LRRFIP1: variants seen among roughly 807,000 people sequenced by gnomAD.
LRRFIP1 encodes the protein leucine-rich repeat flightless-interacting protein 1.
A neutral mutation model predicts 104.4 loss-of-function variants in LRRFIP1; 62 were observed. The ratio of observed to expected loss-of-function variants is 0.59; its 90% CI spans 0.48 to 0.73. The LOEUF is 0.73. Among genes scored for constraint, LRRFIP1 ranks in the 30% least tolerant of loss-of-function variants. The probability of loss-of-function intolerance (pLI) is 0.00; values close to 1 mark genes in which losing one functional copy is unlikely to be tolerated. For synonymous variants in LRRFIP1, 300 were observed against 299.0 expected (o/e 1.00, Z -0.03); for missense variants, 796 against 824.5 (o/e 0.97, Z 0.42).
At chr2:237,755,524 A>G (rs1455164806) in intron 15 of LRRFIP1, among the ~76,000 whole-genome samples, 1 of 152,182 alleles carries the variant, frequency 6.6e-6, no homozygotes, top group African/African-American at 2.4e-5. Context: ...CTCTTGCTTC[A>G]CTGTAGATAA....
chr2:237,645,709 ACTCT>A (rs1468719516), intron 1 of LRRFIP1, among the ~76,000 whole-genome samples: 2 of 151,710 alleles, frequency 1.3e-5, no homozygotes, highest in African/African-American at 4.8e-5. Context: ...ACTCAATGTC[ACTCT>A]TCATGATGTA....
At chr2:237,697,265 C>T (rs1451803927) in intron 1 of LRRFIP1, among the ~76,000 whole-genome samples, 2 of 152,118 alleles carry the variant, frequency 1.3e-5, no homozygotes, top group African/African-American at 4.8e-5. Flanking sequence ...TCAAGTGATC[C>T]TCCCATCTCG....
Position 237,757,528 on chromosome 2 carries a change from T to C in LRRFIP1, c.1204T>C (p.Trp402Arg). 1.3e-6 allele frequency: 2 copies of C among 1,584,966 alleles called. No homozygotes were observed. The highest frequency in any genetic ancestry group is 1.7e-6 in the Non-Finnish European group (2 of 1,165,044). Residue 402 changes from tryptophan (W) to arginine (R), a missense_variant, in exon 17 of 24, where the codon TGG (tryptophan) becomes CGG (arginine). Transcript: ENST00000308482. ...EISDLQETIE[W>R]KDKKIGALER... ...TTCTGATCTTCAGGAAACAATAGAG[T>C]GGAAAGACAAAAAGATAGGGGTAGG...
intron 9 of LRRFIP1, among the ~76,000 whole-genome samples, chr2:237,734,862 G>T (rs2150372226): frequency 6.6e-6 from 1 of 152,282 alleles, no homozygotes; most frequent in African/African-American, 2.4e-5. Flanking sequence ...AACATAATTT[G>T]ATATTTTATC....
chr2:237,767,340 C>T (rs1395217214), intron 19 of LRRFIP1, among the ~76,000 whole-genome samples: 1 of 152,172 alleles, frequency 6.6e-6, no homozygotes, highest in African/African-American at 2.4e-5. Context: ...CGAACCTAGA[C>T]CACTGGGGTT....
chr2:237,743,886 A>G (rs371180194), intron 11 of LRRFIP1, among the ~76,000 whole-genome samples: 3 of 152,154 alleles, frequency 2.0e-5, no homozygotes, highest in South Asian at 2.1e-4. Context: ...CCAGGCCCCA[A>G]AATCTCACTG....
intron 21 of LRRFIP1, chr2:237,772,461 G>T (rs116383005): frequency 0.012 from 5,584 of 466,384 alleles, 55 homozygotes; most frequent in Middle Eastern, 0.025. Flanking sequence ...CATTTACTTT[G>T]CTGGATACAG....
chr2:237,656,671 C>G (rs1339108380), intron 1 of LRRFIP1, among the ~76,000 whole-genome samples: 1 of 152,178 alleles, frequency 6.6e-6, no homozygotes, highest in East Asian at 1.9e-4. Flanking sequence ...TACACATTAA[C>G]TACCACAATA....
chr2:237,761,296 C>G (rs1172687100), intron 19 of LRRFIP1, among the ~76,000 whole-genome samples: 1 of 152,190 alleles, frequency 6.6e-6, no homozygotes, highest in African/African-American at 2.4e-5. Flanking sequence ...GTGGCCAAGG[C>G]TGGAGGATCA....
Position 237,781,366 on chromosome 2 carries a change from A to G in LRRFIP1, c.*1834A>G, listed in dbSNP as rs908176599. On this transcript the variant is annotated 3_prime_UTR_variant, in exon 24 of 24. Coordinates refer to ENST00000308482, the MANE Select transcript of LRRFIP1 (RefSeq NM_001137550.2). ...GATGCTGTTATCAAATCCACATTAC[A>G]GATGAGGGACCCAGGGTCCAGGAAG... Among the ~76,000 whole-genome samples the G allele has an allele frequency of 1.3e-5, 2 of 152,208 alleles. No homozygotes were observed. The highest frequency in any genetic ancestry group is 4.8e-5 in the African/African-American group (2 of 41,460).
At chr2:237,684,353 G>A (rs6431556) in intron 1 of LRRFIP1, 106,777 of 151,956 alleles carry the variant, frequency 0.7, 38,441 homozygotes, top group Middle Eastern at 0.84. Flanking sequence ...GCACACACCT[G>A]TAGTCCCAGC....
intron 1 of LRRFIP1, among the ~76,000 whole-genome samples, chr2:237,702,533 C>T (rs748446578): frequency 9.2e-5 from 14 of 152,174 alleles, no homozygotes; most frequent in Non-Finnish European, 1.8e-4. Context: ...ATCCTAACCC[C>T]GCGGGCAGCA....
chr2:237,718,555 T>G (rs554658677), intron 4 of LRRFIP1, among the ~76,000 whole-genome samples: 3 of 152,192 alleles, frequency 2.0e-5, no homozygotes, highest in African/African-American at 7.2e-5. Context: ...CGAGAGAGAG[T>G]GGCCTGGCCC....
intron 1 of LRRFIP1, 22 bp downstream of exon 1, chr2:237,627,762 C>T (rs2081755875): frequency 3.3e-6 from 4 of 1,208,996 alleles, no homozygotes; most frequent in Non-Finnish European, 3.1e-6. Flanking sequence ...GGGAGGGCAG[C>T]CGGGGGGCGC....
chr2:237,647,791 G>GGTTTTGC (rs1350053089), intron 1 of LRRFIP1, among the ~76,000 whole-genome samples: 1 of 146,864 alleles, frequency 6.8e-6, no homozygotes, highest in Non-Finnish European at 1.5e-5. Flanking sequence ...CTGCAGGCAG[G>GGTTTTGC]TGGAGGGAGC....
rs540038003 is a variant in LRRFIP1, at chr2:237,772,455, T to G, written c.1627+257T>G. On this transcript the variant is annotated intron_variant, in intron 21 of 23. Transcript: ENST00000308482. ...ATGTTGTGCCGATGGAAACCACATTTACTTTGCTGGATACAGCAATCTTTC... is the reference window on the plus strand; with the variant it reads ...ATGTTGTGCCGATGGAAACCACATTGACTTTGCTGGATACAGCAATCTTTC... 1.2e-5 allele frequency: 6 copies of G among 481,018 alleles called. No homozygotes were observed. In the South Asian group the frequency reaches 1.9e-4, roughly 15 times the overall value. 29.8% of individuals were successfully genotyped at this position (481,018 alleles called of 1,614,324 possible).
intron 19 of LRRFIP1, chr2:237,764,843 T>A (rs1266666871): frequency 1.0e-6 from 1 of 985,754 alleles, no homozygotes; most frequent in Non-Finnish European, 1.2e-6. Context: ...TAAGAGATTT[T>A]AACTTCACTT....
chr2:237,631,354 G>C (rs571983711), intron 1 of LRRFIP1, among the ~76,000 whole-genome samples: 1 of 152,326 alleles, frequency 6.6e-6, no homozygotes. Flanking sequence ...AGGACTCGTG[G>C]TGGGGGCAGC....
At chr2:237,694,842 C>T (rs1351760847) in intron 1 of LRRFIP1, among the ~76,000 whole-genome samples, 2 of 152,232 alleles carry the variant, frequency 1.3e-5, no homozygotes, top group Non-Finnish European at 2.9e-5. Context: ...CCTGTGTTTG[C>T]GATGGCTTGT....
Sources: allele counts gnomAD v4.1 joint callset (sites outside exome capture counted in the v4.1 genomes callset), GRCh38; gene constraint gnomAD v4.1.1; transcripts MANE v1.5; gene names NCBI Gene and HGNC (gene_info 2026-07-23, HGNC 2026-07-21).